PPHLN1: variants seen among roughly 807,000 people sequenced by gnomAD.
PPHLN1 encodes periphilin 1, also known as periphilin-1.
In PPHLN1, 29 loss-of-function variants were observed where a neutral mutation model predicts 51.3. The ratio of observed to expected loss-of-function variants is 0.57; its 90% CI spans 0.42 to 0.77. The LOEUF (loss-of-function observed/expected upper bound fraction) is 0.77. PPHLN1 is among the 30% of genes least tolerant of loss of function. PPHLN1 has a pLI of 0.00. For synonymous variants in PPHLN1, 147 were observed against 147.8 expected (o/e 0.99, Z 0.04); for missense variants, 436 against 438.4 (o/e 0.99, Z 0.05).
intron 3 of PPHLN1, among the ~76,000 whole-genome samples, chr12:42,353,680 T>C (rs751438671): frequency 6.6e-6 from 1 of 152,238 alleles, no homozygotes; most frequent in Non-Finnish European, 1.5e-5. Flanking sequence ...TTCAAGTAGC[T>C]TTTGGTTACA....
At chr12:42,377,016 T>C (rs2081361006) in intron 5 of PPHLN1, among the ~76,000 whole-genome samples, 1 of 152,082 alleles carries the variant, frequency 6.6e-6, no homozygotes, top group Admixed American at 6.5e-5. Flanking sequence ...CCAACCCCCG[T>C]CCTGCAGGCC....
intron 9 of PPHLN1, among the ~76,000 whole-genome samples, chr12:42,404,117 T>C (rs2079077751): frequency 6.6e-6 from 1 of 152,180 alleles, no homozygotes; most frequent in Non-Finnish European, 1.5e-5. Flanking sequence ...ACCTATTATA[T>C]GTGAAAGCCG....
intron 9 of PPHLN1, among the ~76,000 whole-genome samples, chr12:42,421,173 C>A (rs1441285528): frequency 6.6e-6 from 1 of 152,048 alleles, no homozygotes; most frequent in African/African-American, 2.4e-5. Flanking sequence ...TTTTCTCAGC[C>A]TTACACTGGG....
At chr12:42,445,949 A>G (rs1288791123), downstream of PPHLN1, 1 of 1,468,294 alleles carries the variant, frequency 6.8e-7, no homozygotes, top group Non-Finnish European at 9.0e-7. Flanking sequence ...GGAAGAGGAT[A>G]TGCTTGTGTT....
chr12:42,428,474 G>A (rs1285691584), intron 9 of PPHLN1, among the ~76,000 whole-genome samples: 1 of 152,160 alleles, frequency 6.6e-6, no homozygotes, highest in East Asian at 1.9e-4. Context: ...AGCGGGGTGA[G>A]ATTGGAGACT....
chr12:42,372,876 T>C (rs2075930052), intron 4 of PPHLN1, among the ~76,000 whole-genome samples: 1 of 152,218 alleles, frequency 6.6e-6, no homozygotes, highest in Non-Finnish European at 1.5e-5. Context: ...TTCATTAATC[T>C]ATCATGCCAG....
At chr12:42,446,155 C>T (rs1415653911), downstream of PPHLN1, 1 of 1,601,452 alleles carries the variant, frequency 6.2e-7, no homozygotes. Context: ...CGACAGGAGC[C>T]CCAGACATTA....
At chr12:42,411,122 G>T (rs1203851549) in intron 9 of PPHLN1, among the ~76,000 whole-genome samples, 3 of 151,446 alleles carry the variant, frequency 2.0e-5, no homozygotes, top group African/African-American at 7.3e-5. Flanking sequence ...TTGAAATTAG[G>T]TCGATTTTTT....
At chr12:42,337,777 T>TTTTATTTTA (rs759818493) in intron 2 of PPHLN1, among the ~76,000 whole-genome samples, 125 of 140,432 alleles carry the variant, frequency 8.9e-4, no homozygotes, top group Middle Eastern at 3.5e-3. Context: ...TTTTATTTTA[T>TTTTATTTTA]TTTATTTATT....
At position 42,329,094 on chromosome 12, in the gene PPHLN1, A is replaced by ATTTTTTTTTTTT. The variant is rs775555753; in HGVS notation, c.-21+2869_-21+2880dup. 1.6e-3 allele frequency among the ~76,000 whole-genome samples: 230 copies of ATTTTTTTTTTTT among 141,278 alleles called. 5 individuals carry two copies. The highest frequency in any genetic ancestry group is 6.2e-3 in the African/African-American group (222 of 35,672). 92.7% of individuals were successfully genotyped at this position (141,278 alleles called of 152,430 possible). On this transcript the variant is annotated intron_variant, in intron 1 of 9. Coordinates refer to ENST00000358314, the MANE Select transcript of PPHLN1 (RefSeq NM_201439.2). Reference sequence around the variant, plus strand: ...TTATGTTTAGTTGTCTGGAATTTCAATTTTTTTTTTTTTTTGTGTGTGTGT... The same window carrying ATTTTTTTTTTTT: ...TTATGTTTAGTTGTCTGGAATTTCAATTTTTTTTTTTTTTTTTTTTTTTTTTTGTGTGTGTGT...
chr12:42,378,407 A>T (rs566179517), intron 5 of PPHLN1, among the ~76,000 whole-genome samples: 4 of 152,096 alleles, frequency 2.6e-5, no homozygotes, highest in South Asian at 2.1e-4. Context: ...TGTCACAAAT[A>T]TTGCAGCACC....
At chr12:42,405,380 G>C (rs1179352557) in intron 9 of PPHLN1, among the ~76,000 whole-genome samples, 3 of 152,212 alleles carry the variant, frequency 2.0e-5, no homozygotes, top group Non-Finnish European at 4.4e-5. Flanking sequence ...TACAATTACA[G>C]TGTGAGTTAA....
At chr12:42,408,235 G>A (rs1417091245) in intron 9 of PPHLN1, among the ~76,000 whole-genome samples, 1 of 151,898 alleles carries the variant, frequency 6.6e-6, no homozygotes, top group African/African-American at 2.4e-5. Context: ...GCCAGGTATG[G>A]TGGCTCACGC....
intron 8 of PPHLN1, among the ~76,000 whole-genome samples, chr12:42,396,479 C>A (rs1565929762): frequency 6.6e-6 from 1 of 151,796 alleles, no homozygotes; most frequent in African/African-American, 2.4e-5. Context: ...TGAGAGTTTT[C>A]TTTTGGTTGT....
chr12:42,419,818 A>C (rs2080822982), intron 9 of PPHLN1, among the ~76,000 whole-genome samples: 1 of 152,200 alleles, frequency 6.6e-6, no homozygotes. Context: ...TGTACAAAGT[A>C]GTTGAATTTG....
intron 5 of PPHLN1, 54 bp downstream of exon 5, chr12:42,375,128 G>A: frequency 1.5e-6 from 2 of 1,317,100 alleles, no homozygotes; most frequent in Non-Finnish European, 2.1e-6. Context: ...TGATGAGAAT[G>A]TACTGAGTCA....
At chr12:42,366,224 C>CTTTTTTT (rs34689856) in intron 4 of PPHLN1, among the ~76,000 whole-genome samples, 1 of 111,216 alleles carries the variant, frequency 9.0e-6, no homozygotes, top group Admixed American at 1.0e-4. Flanking sequence ...GTACCGGACA[C>CTTTTTTT]TTTTTTTTTT....
At chr12:42,380,439 C>T (rs1290064738) in intron 5 of PPHLN1, among the ~76,000 whole-genome samples, 2 of 151,800 alleles carry the variant, frequency 1.3e-5, no homozygotes, top group African/African-American at 4.8e-5. Flanking sequence ...TTAATTCTTT[C>T]AAAAAATACA....
At chr12:42,419,769 G>A (rs1261760038) in intron 9 of PPHLN1, among the ~76,000 whole-genome samples, 1 of 152,134 alleles carries the variant, frequency 6.6e-6, no homozygotes, top group Non-Finnish European at 1.5e-5. Context: ...GTGGATATGA[G>A]TGGCTAATTT....
Sources: allele counts gnomAD v4.1 joint callset (sites outside exome capture counted in the v4.1 genomes callset), GRCh38; gene constraint gnomAD v4.1.1; transcripts MANE v1.5; gene names NCBI Gene and HGNC (gene_info 2026-07-23, HGNC 2026-07-21).